The following DOCK7 variants were observed in gnomAD, a reference collection of about 807,000 sequenced individuals.
The protein encoded by DOCK7 is dedicator of cytokinesis protein 7.
In DOCK7, 138 loss-of-function variants were observed where a neutral mutation model predicts 271.0. The observed-to-expected ratio is 0.51, with a 90% CI of 0.44 to 0.59. The LOEUF (loss-of-function observed/expected upper bound fraction) is 0.59, where lower values mean the gene tolerates loss of function less well. DOCK7 is among the 20% of genes least tolerant of loss of function. The probability of loss-of-function intolerance (pLI) is 0.00; values close to 1 mark genes in which losing one functional copy is unlikely to be tolerated. For synonymous variants in DOCK7, 823 were observed against 876.1 expected (o/e 0.94, Z 1.07); for missense variants, 2,066 against 2,592.4 (o/e 0.80, Z 4.41).
intron 48 of DOCK7, chr1:62,458,718 G>C (rs963858581): frequency 6.6e-6 from 1 of 151,954 alleles, no homozygotes; most frequent in African/African-American, 2.4e-5. Context: ...ATTTTTAGTA[G>C]AGACGGGTTT....
chr1:62,491,721 C>T (rs1328937558), intron 41 of DOCK7, among the ~76,000 whole-genome samples: 2 of 152,236 alleles, frequency 1.3e-5, no homozygotes, highest in Non-Finnish European at 2.9e-5. Flanking sequence ...TTCTCCATTT[C>T]ATCCAATAGA....
chr1:62,476,886 A>C (rs1645983858), intron 44 of DOCK7: 2 of 152,256 alleles, frequency 1.3e-5, no homozygotes, highest in East Asian at 3.8e-4. Context: ...TCACAGTTTG[A>C]GCCAATTTAT....
At chr1:62,640,123 C>T (rs1026088259) in intron 7 of DOCK7, among the ~76,000 whole-genome samples, 15 of 152,014 alleles carry the variant, frequency 9.9e-5, no homozygotes, top group African/African-American at 3.4e-4. Flanking sequence ...GTTGAGAATA[C>T]TTACAACGAT....
At chr1:62,608,184 T>C (rs1420395258) in intron 14 of DOCK7, 1 of 152,154 alleles carries the variant, frequency 6.6e-6, no homozygotes, top group Non-Finnish European at 1.5e-5. Context: ...GCACGTCCCA[T>C]ATAGTTGTGC....
At chr1:62,479,740 G>T in intron 43 of DOCK7, 1 of 385,386 alleles carries the variant, frequency 2.6e-6, no homozygotes. Context: ...CTGGAATACA[G>T]TGGTGCAACC....
At chr1:62,664,293 T>C (rs1198585793) in intron 1 of DOCK7, among the ~76,000 whole-genome samples, 1 of 152,304 alleles carries the variant, frequency 6.6e-6, no homozygotes, top group East Asian at 1.9e-4. Context: ...AGGGACCCTG[T>C]GAGAGAAAAC....
At chr1:62,553,928 GGT>G (rs1000791952) in intron 21 of DOCK7, among the ~76,000 whole-genome samples, 28 of 151,562 alleles carry the variant, frequency 1.8e-4, no homozygotes, top group Non-Finnish European at 8.8e-5. Flanking sequence ...TGCTCCAGCT[GGT>G]GTCTCTTCCT....
intron 31 of DOCK7, among the ~76,000 whole-genome samples, chr1:62,526,875 T>C (rs1645025735): frequency 6.6e-6 from 1 of 152,192 alleles, no homozygotes; most frequent in Admixed American, 6.5e-5. Context: ...GAATAGGCAA[T>C]TCTATAGATA....
At chr1:62,601,915 T>A in intron 14 of DOCK7, 1 of 1,349,224 alleles carries the variant, frequency 7.4e-7, no homozygotes, top group Non-Finnish European at 1.1e-6. Flanking sequence ...AGACAGTAGT[T>A]AGTTCAACTT....
chr1:62,505,535 G>A (rs1646913375), intron 36 of DOCK7, 147 bp downstream of exon 36: 2 of 836,774 alleles, frequency 2.4e-6, no homozygotes, highest in Admixed American at 3.3e-5. Context: ...GAAGAATTAA[G>A]GGTCTTAGGT....
At chr1:62,632,751 T>C (rs938879771) in intron 10 of DOCK7, among the ~76,000 whole-genome samples, 2 of 151,648 alleles carry the variant, frequency 1.3e-5, no homozygotes. Flanking sequence ...CTGAGGGAGG[T>C]GGATCACTTG....
At chr1:62,531,173 T>C (rs1418626001) in intron 29 of DOCK7, among the ~76,000 whole-genome samples, 1 of 152,194 alleles carries the variant, frequency 6.6e-6, no homozygotes, top group Non-Finnish European at 1.5e-5. Context: ...TTCTCGCCAA[T>C]TGCTTTTCAC....
intron 34 of DOCK7, among the ~76,000 whole-genome samples, chr1:62,510,360 T>C (rs997784721): frequency 3.9e-5 from 6 of 152,230 alleles, no homozygotes; most frequent in Non-Finnish European, 7.3e-5. Context: ...AAATGGAGTT[T>C]AAAATATAAT....
At chr1:62,582,549 C>CAA (rs34110232) in intron 16 of DOCK7, among the ~76,000 whole-genome samples, 1,084 of 16,858 alleles carry the variant, frequency 0.064, 262 homozygotes, top group Non-Finnish European at 0.11. Context: ...GACTCCGTCT[C>CAA]AAAAAAAAAA....
At chr1:62,523,964 G>T (rs1644926210) in intron 31 of DOCK7, among the ~76,000 whole-genome samples, 1 of 151,982 alleles carries the variant, frequency 6.6e-6, no homozygotes, top group Non-Finnish European at 1.5e-5. Context: ...CCACAGAGAA[G>T]AAATATTTGA....
At chr1:62,642,557 G>A (rs1320047396) in intron 7 of DOCK7, among the ~76,000 whole-genome samples, 2 of 151,944 alleles carry the variant, frequency 1.3e-5, no homozygotes, top group Non-Finnish European at 2.9e-5. Flanking sequence ...ACATAGTTAA[G>A]TTTTAAAATA....
At chr1:62,555,761 T>A in intron 21 of DOCK7, 64 bp downstream of exon 21, 4 of 1,528,264 alleles carry the variant, frequency 2.6e-6, no homozygotes, top group Non-Finnish European at 3.5e-6. Flanking sequence ...TACAAAATTA[T>A]CTCAATACTG....
intron 43 of DOCK7, chr1:62,478,908 C>T (rs890327624): frequency 2.0e-5 from 3 of 152,192 alleles, no homozygotes; most frequent in Admixed American, 1.3e-4. Flanking sequence ...TTAACTCTCA[C>T]ACAGCATATC....
intron 14 of DOCK7, among the ~76,000 whole-genome samples, chr1:62,599,804 T>G (rs189274943): frequency 6.6e-6 from 1 of 152,134 alleles, no homozygotes; most frequent in East Asian, 1.9e-4. Flanking sequence ...TAATCTACAA[T>G]GTAAACATCT....
Sources: gnomAD v4.1 joint callset for allele counts (sites outside exome capture counted in the v4.1 genomes callset) on GRCh38, gnomAD v4.1.1 for gene constraint, MANE v1.5 for transcripts, NCBI Gene and HGNC (gene_info 2026-07-23, HGNC 2026-07-21) for gene names.